Variants in ARL13A observed in about 807,000 individuals in gnomAD.
ARL13A encodes ARF like GTPase 13A.
ARL13A carries 16 observed loss-of-function variants against 19.1 expected under a neutral mutation model. The ratio of observed to expected loss-of-function variants is 0.84; its 90% confidence interval spans 0.57 to 1.27. ARL13A has a LOEUF of 1.27. Among genes scored for constraint, ARL13A ranks in the 50% most tolerant of loss-of-function variants. The pLI, the probability that ARL13A is intolerant of heterozygous loss-of-function variation, is 0.00. For missense variants in ARL13A, 153 were observed against 186.4 expected (o/e 0.82, Z 1.04); for synonymous variants, 69 against 71.3 (o/e 0.97, Z 0.17).
At chrX:100,987,148 G>A (rs1284639269) in intron 5 of ARL13A, among the ~76,000 whole-genome samples, 4 of 112,020 alleles carry the variant, frequency 3.6e-5, no homozygotes, top group African/African-American at 9.7e-5. Flanking sequence ...GAGACTCTAC[G>A]TGACTTGCTC....
Position 100,987,504 on chromosome X carries a change from A to T in ARL13A, c.601A>T (p.Ile201Phe). The T allele has an allele frequency of 8.3e-7, 1 of 1,211,560 alleles. No homozygotes were observed. The highest frequency in any genetic ancestry group is 1.1e-6 in the Non-Finnish European group (1 of 895,477). The change falls in exon 6 of 8, where the codon ATC becomes TTC. Residue 201 changes from isoleucine to phenylalanine, a missense_variant. Physicochemically the swap from Ile to Phe is conservative, Grantham distance 21. Coordinates refer to ENST00000450049, the MANE Select transcript of ARL13A (RefSeq NM_001162491.2). ...DTCQLPPTSSISISKNNTGSG... is the reference protein window; with the variant it reads ...DTCQLPPTSSFSISKNNTGSG... ...TTGCCAACTACCACCTACCTCGAGC[A>T]TCTCAATCTCCAAGAATAACACAGG...
intron 3 of ARL13A, 121 bp downstream of exon 3, chrX:100,974,318 A>G (rs1010825668): frequency 8.3e-6 from 4 of 480,403 alleles, no homozygotes; most frequent in African/African-American, 7.4e-5. Flanking sequence ...TTTGTGCATA[A>G]ACACCTCCTA....
chrX:100,988,529 C>T (rs936031856), intron 7 of ARL13A: 15 of 1,115,436 alleles, frequency 1.3e-5, no homozygotes, highest in Admixed American at 2.8e-5. Context: ...TAGACTCCAG[C>T]TCCATATGCT....
At chrX:100,988,854 A>ATATATATATCT (rs1491065902) in intron 7 of ARL13A, among the ~76,000 whole-genome samples, 4 of 19,166 alleles carry the variant, frequency 2.1e-4, no homozygotes, top group African/African-American at 9.6e-4. Flanking sequence ...TATATCTCAT[A>ATATATATATCT]TATATATATA....
chrX:100,976,415 A>G (rs1473473389), intron 3 of ARL13A, among the ~76,000 whole-genome samples: 1 of 110,082 alleles, frequency 9.1e-6, no homozygotes, highest in Non-Finnish European at 1.9e-5. Flanking sequence ...TACCTGGGGG[A>G]TTATTCATAA....
intron 6 of ARL13A, among the ~76,000 whole-genome samples, chrX:100,987,953 A>C (rs1283990338): frequency 8.9e-6 from 1 of 112,013 alleles, no homozygotes; most frequent in Non-Finnish European, 1.9e-5. Context: ...CTCTAGTTCT[A>C]TAATCCTCCC....
chrX:100,988,859 T>TATATCATATATATATATATATATATG (rs1241990924), intron 7 of ARL13A, among the ~76,000 whole-genome samples: 1 of 90,369 alleles, frequency 1.1e-5, no homozygotes, highest in African/African-American at 5.3e-5. Context: ...CTCATATATA[T>TATATCATATATATATATATATATATG]ATATATATAT....
chrX:100,985,876 C>G lies in ARL13A; in HGVS notation c.340C>G (p.Leu114Val), dbSNP rs1435138183. The change falls in exon 4 of 8, where the codon CTG (leucine) becomes GTG (valine). Residue 114 changes from leucine (L) to valine (V), a missense_variant. Leu to Val is a conservative substitution (Grantham distance 32, BLOSUM62 1). Transcript: ENST00000450049. ...GGAAGTGAAGATCATCTTAACACAT[C>G]TGCTGTCCGATAAAAGAGTGGCAGG... ...MQEVKIILTH[L>V]LSDKRVAGKP... 1.5e-5 allele frequency: 18 copies of G among 1,207,792 alleles called. No homozygotes were observed. The highest frequency in any genetic ancestry group is 1.9e-5 in the Non-Finnish European group (17 of 894,353).
chrX:100,971,452 T>TA (rs1391761592), intron 1 of ARL13A, among the ~76,000 whole-genome samples: 4 of 103,688 alleles, frequency 3.9e-5, no homozygotes, highest in Non-Finnish European at 7.8e-5. Context: ...GCTGAAGGGA[T>TA]AGGTCACATC....
At chrX:100,988,695 T>C in intron 7 of ARL13A, 1 of 361,076 alleles carries the variant, frequency 2.8e-6, no homozygotes, top group Non-Finnish European at 4.0e-6. Context: ...CACCTTCCTG[T>C]AGGAAGGGTG....
chrX:100,975,500 T>G (rs1471583478), intron 3 of ARL13A, among the ~76,000 whole-genome samples: 1 of 111,756 alleles, frequency 8.9e-6, no homozygotes, highest in Non-Finnish European at 1.9e-5. Context: ...AAATAATGGA[T>G]TTTTTCCTCT....
chrX:100,987,860 G>A (rs908837322), intron 6 of ARL13A, among the ~76,000 whole-genome samples: 13 of 111,765 alleles, frequency 1.2e-4, no homozygotes, highest in Non-Finnish European at 1.3e-4. Flanking sequence ...CCATGTGGAG[G>A]AGAAAAGGAA....
intron 4 of ARL13A, among the ~76,000 whole-genome samples, 154 bp downstream of exon 4, chrX:100,986,070 G>A (rs2085932041): frequency 9.0e-6 from 1 of 111,252 alleles, no homozygotes; most frequent in Admixed American, 9.6e-5. Flanking sequence ...TCTGAGGTTT[G>A]TTCTCAAGAG....
intron 1 of ARL13A, 125 bp from the exon 2 acceptor site, chrX:100,973,551 G>A (rs2085714426): frequency 3.2e-6 from 3 of 930,420 alleles, no homozygotes; most frequent in Non-Finnish European, 4.5e-6. Context: ...ATAGAATGAA[G>A]TAATAGACTT....
intron 3 of ARL13A, among the ~76,000 whole-genome samples, chrX:100,983,477 C>T (rs981343566): frequency 9.1e-6 from 1 of 110,263 alleles, no homozygotes; most frequent in African/African-American, 3.3e-5. Context: ...CTGCTTCAGC[C>T]TCCCGAGTAG....
chrX:100,982,049 C>T (rs945856784), intron 3 of ARL13A, among the ~76,000 whole-genome samples: 1 of 110,762 alleles, frequency 9.0e-6, no homozygotes, highest in African/African-American at 3.3e-5. Context: ...AACCCAACCA[C>T]TGGCACAAGC....
At chrX:100,972,510 G>C (rs113069612) in intron 1 of ARL13A, among the ~76,000 whole-genome samples, 3 of 77,938 alleles carry the variant, frequency 3.8e-5, no homozygotes, top group Admixed American at 1.2e-4. Flanking sequence ...CCTCCCTCCC[G>C]GACGGGGCGG....
intron 3 of ARL13A, among the ~76,000 whole-genome samples, chrX:100,983,872 T>TA (rs1181289590): frequency 9.0e-6 from 1 of 111,451 alleles, no homozygotes; most frequent in African/African-American, 3.3e-5. Flanking sequence ...AAAAGTATAT[T>TA]ACTAACTTTT....
At chrX:100,978,311 C>A (rs1220529684) in intron 3 of ARL13A, among the ~76,000 whole-genome samples, 1 of 111,817 alleles carries the variant, frequency 8.9e-6, no homozygotes, top group South Asian at 3.7e-4. Context: ...GTGCTGAAAT[C>A]TCCAATTATT....
Sources: gnomAD v4.1 joint callset for allele counts (sites outside exome capture counted in the v4.1 genomes callset) on GRCh38, gnomAD v4.1.1 for gene constraint, MANE v1.5 for transcripts, NCBI Gene and HGNC (gene_info 2026-07-23, HGNC 2026-07-21) for gene names.